Variants in SLC6A4 observed in about 807,000 individuals in gnomAD.
SLC6A4 encodes the protein solute carrier family 6 member 4.
In SLC6A4, 22 loss-of-function variants were observed where a neutral mutation model predicts 73.4. The observed-to-expected ratio is 0.30, with a 90% confidence interval of 0.21 to 0.43. The LOEUF (loss-of-function observed/expected upper bound fraction) is 0.43. Among genes scored for constraint, SLC6A4 ranks in the 20% least tolerant of loss-of-function variants. The pLI is 1.00. For missense variants in SLC6A4, 593 were observed against 808.5 expected, an observed-to-expected ratio of 0.73 and a Z score of 3.23; for synonymous variants, 270 against 315.5, an observed-to-expected ratio of 0.86 and a Z score of 1.53.
intron 7 of SLC6A4, 32 bp from the exon 8 acceptor site, chr17:30,215,746 GAGGGGGAGACAC>G: frequency 6.3e-7 from 1 of 1,582,842 alleles, no homozygotes; most frequent in Non-Finnish European, 8.7e-7. Flanking sequence ...GGCATGGGGT[GAGGGGGAGACAC>G]AGGCTTACCC....
In SLC6A4 at chr17:30,230,098, G is replaced by GAAGAAGAGGAGGAA. The variant is rs1555591454; in HGVS notation, c.-221+5514_-221+5515insTTCCTCCTCTTCTT. ...AAGAAGAAGAAGAAGAAGAAGAAGA[G>GAAGAAGAGGAGGAA]GAGGAAGAGGAAGAGGAAGAGGAAG... On this transcript the variant is annotated intron_variant, in intron 1 of 14. Coordinates refer to ENST00000650711, the MANE Select transcript of SLC6A4 (RefSeq NM_001045.6). 5.6e-5 allele frequency among the ~76,000 whole-genome samples: 5 copies of GAAGAAGAGGAGGAA among 89,626 alleles called. No individual in the cohort carries two copies. In the South Asian group the frequency reaches 2.0e-3, roughly 36 times the overall value. The allele number at this position is 89,626 out of a possible 152,430, so 58.8% of individuals were successfully genotyped here.
rs1304019456 is a variant in SLC6A4, at chr17:30,197,337, T to C, written c.*1119A>G. 6.6e-6 allele frequency: 1 copy of C among 152,362 alleles called. No individual in the cohort carries two copies. The highest frequency in any genetic ancestry group is 1.5e-5 in the Non-Finnish European group (1 of 68,056). 9.4% of individuals were successfully genotyped at this position (152,362 alleles called of 1,614,324 possible). Reference sequence around the variant, plus strand: ...CTAACCCAGACTCTCCAACTGCTCTTGGAGTGAAGATGCCTTGGTTTAGGT... The same window carrying C: ...CTAACCCAGACTCTCCAACTGCTCTCGGAGTGAAGATGCCTTGGTTTAGGT... On this transcript the variant is annotated 3_prime_UTR_variant, in exon 15 of 15. Coordinates refer to ENST00000650711, the MANE Select transcript of SLC6A4 (RefSeq NM_001045.6).
intron 8 of SLC6A4, among the ~76,000 whole-genome samples, chr17:30,214,789 C>T (rs1222300214): frequency 6.6e-5 from 10 of 151,734 alleles, no homozygotes; most frequent in Non-Finnish European, 1.5e-4. Context: ...CCCGCCACCA[C>T]GCCCGGCTAA....
chr17:30,212,347 A>T lies in SLC6A4; in HGVS notation c.1204+393T>A, dbSNP rs547993911. Among the ~76,000 whole-genome samples the T allele has an allele frequency of 2.0e-5, 3 of 152,356 alleles. No homozygotes were observed. The East Asian group carries it at 5.8e-4, about 29-fold the overall frequency. On this transcript the variant is annotated intron_variant, in intron 9 of 14. Transcript: ENST00000650711. ...CCCTGTCCCTGCATGGCCTGAACAC[A>T]TGGAAAGATCTCTAAGGCATCGAGC...
intron 12 of SLC6A4, 57 bp from the exon 13 acceptor site, chr17:30,207,889 G>T: frequency 7.9e-7 from 1 of 1,263,462 alleles, no homozygotes; most frequent in Non-Finnish European, 1.1e-6. Context: ...GGGCTGTGCT[G>T]CTGTGCCCTG....
chr17:30,219,949 G>T (rs1906693686), intron 3 of SLC6A4, among the ~76,000 whole-genome samples: 2 of 152,180 alleles, frequency 1.3e-5, no homozygotes, highest in African/African-American at 4.8e-5. Context: ...CAAAGAGTTT[G>T]CTTGATCAGC....
chr17:30,226,133 G>A (rs546805640), intron 1 of SLC6A4, among the ~76,000 whole-genome samples: 2 of 152,300 alleles, frequency 1.3e-5, no homozygotes, highest in African/African-American at 4.8e-5. Flanking sequence ...CATTTCTCAG[G>A]AAACTCAACT....
intron 12 of SLC6A4, 136 bp downstream of exon 12, chr17:30,209,007 T>C (rs942000283): frequency 5.1e-6 from 3 of 584,982 alleles, no homozygotes; most frequent in Non-Finnish European, 6.1e-6. Context: ...TGGCCGAGAC[T>C]CTTTTACAGA....
rs777513509 is a variant in SLC6A4 at position 30,211,368 on chromosome 17, T to C, written c.1261A>G (p.Thr421Ala). The C allele has an allele frequency of 6.2e-7, 1 of 1,613,790 alleles. No homozygotes were observed. ...AEAIANMPASTFFAIIFFLML... is the reference protein window; with the variant it reads ...AEAIANMPASAFFAIIFFLML... ...AGAAAGAAGATGATGGCAAAGAAAG[T>C]GGACGCTGGCATGTTGGCTATCGCT... Residue 421 changes from threonine (T) to alanine (A), a missense_variant, in exon 10 of 15, where the codon ACT (threonine) becomes GCT (alanine). By Grantham distance (58) the Thr-to-Ala change is moderately conservative. Transcript: ENST00000650711. The surrounding 1 kb of genome is among the most constrained non-coding windows in gnomAD (Gnocchi z 4.0).
chr17:30,207,971 T>C, intron 12 of SLC6A4, 139 bp from the exon 13 acceptor site: 2 of 631,946 alleles, frequency 3.2e-6, no homozygotes, highest in Non-Finnish European at 5.6e-6. Context: ...CCGGAATTCC[T>C]ACCCCGGACA....
intron 8 of SLC6A4, among the ~76,000 whole-genome samples, chr17:30,215,023 T>TCTTTTTTC (rs1189919841): frequency 6.8e-5 from 2 of 29,394 alleles, no homozygotes; most frequent in African/African-American, 1.7e-4. Flanking sequence ...TTTCTTTCTT[T>TCTTTTTTC]TTTCTTTCTT....
At chr17:30,231,401 T>G (rs1907111041) in intron 1 of SLC6A4, among the ~76,000 whole-genome samples, 1 of 151,548 alleles carries the variant, frequency 6.6e-6, no homozygotes, top group East Asian at 1.9e-4. Flanking sequence ...TACAGACACA[T>G]ATATACACTG....
chr17:30,213,195 G>A (rs1182739684), intron 8 of SLC6A4, among the ~76,000 whole-genome samples: 1 of 152,170 alleles, frequency 6.6e-6, no homozygotes, highest in East Asian at 1.9e-4. Flanking sequence ...TTGGAGTGGG[G>A]GCCAGGACAG....
chr17:30,215,751 G>C (rs60195519), intron 7 of SLC6A4, 37 bp from the exon 8 acceptor site: 2 of 1,553,390 alleles, frequency 1.3e-6, no homozygotes, highest in African/African-American at 2.7e-5. Flanking sequence ...GGGGTGAGGG[G>C]GAGACACAGG....
Position 30,216,190 on chromosome 17 carries a change from A to T in SLC6A4, c.864T>A (p.Pro288=). Residue 288 remains proline, a synonymous_variant, in exon 7 of 15, where the codon CCT becomes CCA. Coordinates refer to ENST00000650711, the MANE Select transcript of SLC6A4 (RefSeq NM_001045.6). ...CCAGCAGGACAGAAAGGATGATATA[A>T]GGGAAGGTGGCTGTCACCCACACCA... The part of the protein sequence containing the change: ...GKVVWVTATF[P]YIILSVLLVR... The T allele has an allele frequency of 6.3e-7, 1 of 1,584,896 alleles. No homozygotes were observed.
chr17:30,202,875 A>C lies in SLC6A4; in HGVS notation c.1818+297T>G, dbSNP rs111909160. On this transcript the variant is annotated intron_variant, in intron 14 of 14. Coordinates refer to ENST00000650711, the MANE Select transcript of SLC6A4 (RefSeq NM_001045.6). ...CTGATATCCATGCCCAGTGGCAAGCAGGAGGCAGGGTAGTTGTCTGATAAG... is the reference window on the plus strand; with the variant it reads ...CTGATATCCATGCCCAGTGGCAAGCCGGAGGCAGGGTAGTTGTCTGATAAG... Among the ~76,000 whole-genome samples the C allele has an allele frequency of 1.5e-3, 229 of 152,320 alleles. 1 individual carries two copies. The highest frequency in any genetic ancestry group is 5.2e-3 in the African/African-American group (217 of 41,574).
At chr17:30,210,778 G>A (rs746479143) in intron 10 of SLC6A4, 132 bp from the exon 11 acceptor site, 143 of 912,840 alleles carry the variant, frequency 1.6e-4, no homozygotes, top group Non-Finnish European at 2.1e-4. Flanking sequence ...TCCCCGGCTC[G>A]CTGGACCATG....
At chr17:30,222,727 C>T (rs764271585) in intron 2 of SLC6A4, 92 bp downstream of exon 2, 362 of 1,131,070 alleles carry the variant, frequency 3.2e-4, no homozygotes, top group Non-Finnish European at 4.2e-4. Context: ...GAGCTGCCTC[C>T]GGCTGTGTCC....
chr17:30,227,496 T>G (rs1454039791), intron 1 of SLC6A4, among the ~76,000 whole-genome samples: 3 of 152,008 alleles, frequency 2.0e-5, no homozygotes, highest in African/African-American at 7.2e-5. Context: ...TGTGTGTTGT[T>G]TTTTTAAGAG....
Sources: allele counts gnomAD v4.1 joint callset (sites outside exome capture counted in the v4.1 genomes callset), GRCh38; gene constraint gnomAD v4.1.1; non-coding constraint Gnocchi (gnomAD v3.1); transcripts MANE v1.5; gene names NCBI Gene and HGNC (gene_info 2026-07-23, HGNC 2026-07-21).